Variants in IFNAR2 observed in about 807,000 individuals in gnomAD.
IFNAR2 encodes interferon alpha and beta receptor subunit 2, also known as interferon alpha/beta receptor 2.
In IFNAR2, 30 loss-of-function variants were observed where a neutral mutation model predicts 49.4. The observed-to-expected ratio is 0.61, with a 90% CI of 0.45 to 0.82. The LOEUF (loss-of-function observed/expected upper bound fraction) is 0.82, where lower values mean the gene tolerates loss of function less well. Ranked by LOEUF, IFNAR2 falls within the 40% of genes least tolerant of loss-of-function variation. IFNAR2 has a pLI of 0.00. For synonymous variants in IFNAR2, 224 were observed against 234.5 expected, an observed-to-expected ratio of 0.96 and a Z score of 0.41; for missense variants, 600 against 622.7, an observed-to-expected ratio of 0.96 and a Z score of 0.39.
intron 1 of IFNAR2, among the ~76,000 whole-genome samples, chr21:33,231,297 G>C (rs1424712323): frequency 6.6e-6 from 1 of 152,166 alleles, no homozygotes; most frequent in Non-Finnish European, 1.5e-5. Context: ...CTAGCAATTA[G>C]GGCATAGCTG....
At chr21:33,242,108 G>C (rs1024242154) in intron 2 of IFNAR2, 131 bp downstream of exon 2, 3 of 713,050 alleles carry the variant, frequency 4.2e-6, no homozygotes, top group Non-Finnish European at 6.8e-6. Context: ...CTAGTGTCAG[G>C]AGTTAAGTGG....
intron 7 of IFNAR2, among the ~76,000 whole-genome samples, chr21:33,260,214 C>T (rs1024634507): frequency 6.6e-6 from 1 of 152,184 alleles, no homozygotes; most frequent in Non-Finnish European, 1.5e-5. Context: ...CCCACTTCTT[C>T]CTGCCCGCAG....
In IFNAR2 at chr21:33,260,618, T is replaced by C; in HGVS notation, c.731T>C (p.Ile244Thr). ...ACAGAATCAGCAGAATCTGCCAAAA[T>C]AGGAGGAATAATTACTGTGTTTTTG... Reference protein sequence around the residue: ...QESESAESAKIGGIITVFLIA... With the variant: ...QESESAESAKTGGIITVFLIA... The change falls in exon 8 of 9, where the codon ATA becomes ACA. Residue 244 changes from isoleucine to threonine, a missense_variant. Transcript: ENST00000342136. 1 of 1,584,402 alleles carries C rather than the reference T, an allele frequency of 6.3e-7. No individual in the cohort carries two copies. The highest frequency in any genetic ancestry group is 8.5e-7 in the Non-Finnish European group (1 of 1,171,860).
Position 33,253,802 on chromosome 21 carries a change from A to G in IFNAR2, c.709+972A>G, listed in dbSNP as rs545099407. 5.3e-5 allele frequency among the ~76,000 whole-genome samples: 8 copies of G among 152,250 alleles called. No homozygotes were observed. The South Asian group carries it at 1.7e-3, about 32-fold the overall frequency. On this transcript the variant is annotated intron_variant, in intron 7 of 8. Coordinates refer to ENST00000342136, the MANE Select transcript of IFNAR2 (RefSeq NM_001289125.3). ...ACATTGCCATGGCATTTGTAAACTC[A>G]TGGTGCTGGTGAGAGTGTGGCAGTG...
At chr21:33,238,680 G>GTT (rs5843594) in intron 1 of IFNAR2, among the ~76,000 whole-genome samples, 7 of 149,832 alleles carry the variant, frequency 4.7e-5, no homozygotes, top group Middle Eastern at 3.5e-3. Context: ...TGGGGGGGTT[G>GTT]TTTTTTTTAA....
chr21:33,230,382 A>G lies in IFNAR2; in HGVS notation c.-84+166A>G, dbSNP rs546458139. ...CCCTCTGCGTCTTGAGTATGCGGCTAGTGCGCCCTTCCTCTCTCCCGGGGC... is the reference window on the plus strand; with the variant it reads ...CCCTCTGCGTCTTGAGTATGCGGCTGGTGCGCCCTTCCTCTCTCCCGGGGC... On this transcript the variant is annotated intron_variant, in intron 1 of 8. Coordinates refer to ENST00000342136, the MANE Select transcript of IFNAR2 (RefSeq NM_001289125.3). This position sits in a 1 kb window ranked among gnomAD's most constrained non-coding sequence, Gnocchi z 5.5. 27 of 563,870 alleles carry G rather than the reference A, an allele frequency of 4.8e-5. No individual in the cohort carries two copies. In the African/African-American group the frequency reaches 5.2e-4, roughly 11 times the overall value. The allele number at this position is 563,870 out of a possible 1,614,324, so 34.9% of individuals were successfully genotyped here.
intron 1 of IFNAR2, among the ~76,000 whole-genome samples, chr21:33,234,051 T>A (rs1419028522): frequency 6.7e-6 from 1 of 149,864 alleles, no homozygotes; most frequent in Non-Finnish European, 1.5e-5. Flanking sequence ...TTAATATCTT[T>A]CATAAGTTTT....
chr21:33,262,770 C>G (rs781472380), intron 8 of IFNAR2, 23 bp from the exon 9 acceptor site: 2 of 1,561,820 alleles, frequency 1.3e-6, no homozygotes, highest in East Asian at 2.3e-5. Flanking sequence ...CGGACTCTCT[C>G]TCTCTTTTTT....
chr21:33,253,984 G>A (rs1415885286), intron 7 of IFNAR2, among the ~76,000 whole-genome samples: 1 of 152,140 alleles, frequency 6.6e-6, no homozygotes, highest in Non-Finnish European at 1.5e-5. Context: ...GTAGGTCCCA[G>A]CCCCATTTTA....
chr21:33,263,481 A>T lies in IFNAR2; in HGVS notation c.1529A>T (p.Asp510Val), dbSNP rs1988783776. 5 of 1,611,352 alleles carry T rather than the reference A, an allele frequency of 3.1e-6. No individual in the cohort carries two copies. Among genetic ancestry groups the T allele is most frequent in the African/African-American group, 1.3e-5 (1 of 74,822 alleles). The change falls in exon 9 of 9, where the codon GAT becomes GTT. Residue 510 changes from aspartate (D) to valine (V), a missense_variant. By Grantham distance (152) the Asp-to-Val change is radical. Coordinates refer to ENST00000342136, the MANE Select transcript of IFNAR2 (RefSeq NM_001289125.3). The part of the protein sequence containing the change: ...DTSESDVDLG[D>V]GYIMR ...TCTGAGTCAGATGTTGACCTTGGGG[A>T]TGGTTATATAATGAGATGACTCCAA...
At position 33,237,729 on chromosome 21, in the gene IFNAR2, G is replaced by T. The variant is rs368708486; in HGVS notation, c.-83-4111G>T. Among the ~76,000 whole-genome samples the T allele has an allele frequency of 4.6e-5, 7 of 152,092 alleles. No homozygotes were observed. The East Asian group carries it at 1.2e-3, about 25-fold the overall frequency. On this transcript the variant is annotated intron_variant, in intron 1 of 8. Transcript: ENST00000342136. ...GCAGTCGTGCTTGGATATCTCATGG[G>T]TGGTGGAGTCTGTAGCAAGGCTGGA...
At chr21:33,261,554 T>C (rs1008594043) in intron 8 of IFNAR2, among the ~76,000 whole-genome samples, 1 of 152,152 alleles carries the variant, frequency 6.6e-6, no homozygotes, top group Non-Finnish European at 1.5e-5. Context: ...GTGGAACATA[T>C]ACACAAAGTG....
At chr21:33,235,612 T>C (rs1986391735) in intron 1 of IFNAR2, among the ~76,000 whole-genome samples, 1 of 152,160 alleles carries the variant, frequency 6.6e-6, no homozygotes, top group African/African-American at 2.4e-5. Flanking sequence ...GTTTTTTTGT[T>C]TGCTATTTAA....
In IFNAR2 at chr21:33,246,845, A is replaced by T. The variant is rs1987455452; in HGVS notation, c.349A>T (p.Thr117Ser). The change falls in exon 5 of 9, where the codon ACA (threonine) becomes TCA (serine). Residue 117 changes from threonine (T) to serine (S), a missense_variant. Transcript: ENST00000342136. ...CGTCCTAGAAGGATTCAGCGGGAACACAACGTTGTTCAGTTGCTCACACAA... is the reference window on the plus strand; with the variant it reads ...CGTCCTAGAAGGATTCAGCGGGAACTCAACGTTGTTCAGTTGCTCACACAA... ...VTVLEGFSGN[T>S]TLFSCSHNFW... 6.2e-7 allele frequency: 1 copy of T among 1,614,134 alleles called. No homozygotes were observed. The highest frequency in any genetic ancestry group is 8.5e-7 in the Non-Finnish European group (1 of 1,180,038).
At chr21:33,235,827 C>G (rs2734725) in intron 1 of IFNAR2, among the ~76,000 whole-genome samples, 152,258 of 152,258 alleles carry the variant, frequency 1, 76,129 homozygotes, top group Non-Finnish European at 1. Context: ...TCTGGAGGCT[C>G]AGGCAGGAGA....
chr21:33,242,453 C>T (rs545871565), intron 2 of IFNAR2, among the ~76,000 whole-genome samples: 55 of 152,098 alleles, frequency 3.6e-4, no homozygotes, highest in Non-Finnish European at 6.3e-4. Context: ...TCGTGTGTGT[C>T]CGGGCGCGGT....
rs200920080 is a variant in IFNAR2 at position 33,262,968 on chromosome 21, T to C, written c.1016T>C (p.Met339Thr). 20 of 1,614,176 alleles carry C rather than the reference T, an allele frequency of 1.2e-5. No individual in the cohort carries two copies. The East Asian group carries it at 4.2e-4, about 34-fold the overall frequency. Reference protein sequence around the residue: ...APRTSGGGYTMHGLTVRPLGQ... With the variant: ...APRTSGGGYTTHGLTVRPLGQ... ...AGGACAAGTGGCGGTGGCTATACCATGCATGGACTGACTGTCAGGCCTCTG... is the reference window on the plus strand; with the variant it reads ...AGGACAAGTGGCGGTGGCTATACCACGCATGGACTGACTGTCAGGCCTCTG... Residue 339 changes from methionine to threonine, a missense_variant, in exon 9 of 9, where the codon ATG (methionine) becomes ACG (threonine). By Grantham distance (81) the Met-to-Thr change is moderately conservative (BLOSUM62 -1). Coordinates refer to ENST00000342136, the MANE Select transcript of IFNAR2 (RefSeq NM_001289125.3).
At chr21:33,242,699 C>A (rs1231670735) in intron 2 of IFNAR2, among the ~76,000 whole-genome samples, 1 of 124,246 alleles carries the variant, frequency 8.0e-6, no homozygotes, top group East Asian at 2.1e-4. Flanking sequence ...AGCCGCTGCA[C>A]TCCAGCCTGA....
intron 2 of IFNAR2, among the ~76,000 whole-genome samples, chr21:33,243,142 G>T (rs1276116013): frequency 6.6e-6 from 1 of 150,864 alleles, no homozygotes; most frequent in African/African-American, 2.4e-5. Flanking sequence ...GGAATGCAGT[G>T]AGCGATCTCA....
Sources: allele counts gnomAD v4.1 joint callset (sites outside exome capture counted in the v4.1 genomes callset), GRCh38; gene constraint gnomAD v4.1.1; non-coding constraint Gnocchi (gnomAD v3.1); transcripts MANE v1.5; gene names NCBI Gene and HGNC (gene_info 2026-07-23, HGNC 2026-07-21).